Variants in ZNF503 observed in about 807,000 individuals in gnomAD.
The protein encoded by ZNF503 is zinc finger protein 503.
A neutral mutation model predicts 34.4 loss-of-function variants in ZNF503; 15 were observed. That is an observed-to-expected ratio of 0.44 (90% confidence interval 0.29 to 0.67). The LOEUF is 0.67. Among genes scored for constraint, ZNF503 ranks in the 30% least tolerant of loss-of-function variants. The pLI is 0.13. For missense variants in ZNF503, 1,007 were observed against 926.8 expected, an observed-to-expected ratio of 1.09 and a Z score of -1.12; for synonymous variants, 580 against 456.8, an observed-to-expected ratio of 1.27 and a Z score of -3.44.
At chr10:75,401,895 C>CGCCGCT (rs1350923501), upstream of ZNF503, 1 of 191,064 alleles carries the variant, frequency 5.2e-6, no homozygotes, top group African/African-American at 2.4e-5. Context: ...CCGCCGCCGC[C>CGCCGCT]GCCGCTGCCA....
the ZNF503 span, chr10:75,296,477 C>T: frequency 7.0e-6 from 1 of 143,864 alleles, no homozygotes; most frequent in African/African-American, 2.6e-5. Context: ...CTTTCTGGGC[C>T]AAGTAGAGGG....
chr10:75,286,246 C>T, the ZNF503 span, among the ~76,000 whole-genome samples: 4 of 148,254 alleles, frequency 2.7e-5, no homozygotes, highest in African/African-American at 1.0e-4. Context: ...TTGTGCGCCA[C>T]TGCACTCCAG....
chr10:75,317,264 CTTTTTTTTTTTTTTT>C, the ZNF503 span, among the ~76,000 whole-genome samples: 2 of 74,724 alleles, frequency 2.7e-5, no homozygotes, highest in Non-Finnish European at 4.8e-5. Flanking sequence ...CATCCCACGT[CTTTTTTTTTTTTTTT>C]TTTTTTTTTT....
chr10:75,354,870 G>A, the ZNF503 span, among the ~76,000 whole-genome samples: 1 of 151,938 alleles, frequency 6.6e-6, no homozygotes, highest in Non-Finnish European at 1.5e-5. Context: ...TTTTGAGATG[G>A]AGTCTCACTC....
At chr10:75,353,070 C>T in the ZNF503 span, among the ~76,000 whole-genome samples, 11 of 152,184 alleles carry the variant, frequency 7.2e-5, no homozygotes, top group African/African-American at 2.2e-4. Flanking sequence ...CCTGAGTTGA[C>T]GGGCAAGTCA....
chr10:75,329,381 T>TTC, the ZNF503 span, among the ~76,000 whole-genome samples: 1 of 129,112 alleles, frequency 7.7e-6, no homozygotes, highest in African/African-American at 3.8e-5. Flanking sequence ...CTTCTTTCTT[T>TTC]CTTCCTTCCT....
At chr10:75,333,997 G>A in the ZNF503 span, among the ~76,000 whole-genome samples, 1 of 111,594 alleles carries the variant, frequency 9.0e-6, no homozygotes, top group Non-Finnish European at 1.8e-5. Context: ...GGGAAGAGGC[G>A]CTCCTCACTT....
At chr10:75,324,069 C>T in the ZNF503 span, among the ~76,000 whole-genome samples, 1 of 149,296 alleles carries the variant, frequency 6.7e-6, no homozygotes, top group Admixed American at 6.7e-5. Flanking sequence ...ATTTTATATG[C>T]GTTTGTCAGA....
the ZNF503 span, among the ~76,000 whole-genome samples, chr10:75,312,186 GAC>G: frequency 6.6e-6 from 1 of 152,130 alleles, no homozygotes; most frequent in Non-Finnish European, 1.5e-5. Context: ...TAGCCTGGGT[GAC>G]AGAGTGAGAA....
rs1270409715 is a variant in ZNF503, at chr10:75,400,213, C to G, written c.477G>C (p.Ser159=). ...CGATGTCGCTCAGCTTCAGGGGGCC[C>G]GATTTGGTGTCCTTGTCGCCCGCAG... is the stretch of plus-strand genomic sequence containing the variant. ...GGAAGDKDTK[S]GPLKLSDIGV... The change falls in exon 2 of 2, where the codon TCG becomes TCC. Residue 159 remains serine (S), a synonymous_variant. Transcript: ENST00000372524. 1.9e-6 allele frequency: 3 copies of G among 1,605,208 alleles called. No homozygotes were observed. Among genetic ancestry groups the G allele is most frequent in the Middle Eastern group, 1.6e-4 (1 of 6,074 alleles).
In ZNF503 at chr10:75,399,484, C is replaced by A; in HGVS notation, c.1206G>T (p.Leu402=). 1 of 1,574,938 alleles carries A rather than the reference C, an allele frequency of 6.3e-7. No homozygotes were observed. Among genetic ancestry groups the A allele is most frequent in the East Asian group, 2.3e-5 (1 of 43,368 alleles). ...AQLAAAAAGS[L]GCSKPAGSSP... ...TGGAGCCGGCCGGCTTACTGCAGCCCAGAGACCCGGCCGCGGCCGCCGCCA... is the reference window on the plus strand; with the variant it reads ...TGGAGCCGGCCGGCTTACTGCAGCCAAGAGACCCGGCCGCGGCCGCCGCCA... Residue 402 remains leucine (L), a synonymous_variant, in exon 2 of 2, where the codon CTG becomes CTT. Transcript: ENST00000372524.
At chr10:75,335,690 A>G in the ZNF503 span, among the ~76,000 whole-genome samples, 4,511 of 152,222 alleles carry the variant, frequency 0.03, 220 homozygotes, top group African/African-American at 0.1. Context: ...TTCCACCTAT[A>G]TGATCTCCTG....
the ZNF503 span, among the ~76,000 whole-genome samples, chr10:75,294,940 G>A: frequency 3.7e-3 from 562 of 152,300 alleles, 2 homozygotes; most frequent in Middle Eastern, 0.014. Context: ...TTACGCTGTT[G>A]TGTATATTTC....
chr10:75,333,504 A>G, the ZNF503 span, among the ~76,000 whole-genome samples: 1 of 39,046 alleles, frequency 2.6e-5, no homozygotes, highest in African/African-American at 1.1e-4. Flanking sequence ...GGCCGGGCTG[A>G]GGGGCTCCTC....
chr10:75,400,291 T>C lies in ZNF503; in HGVS notation c.399A>G (p.Lys133=). ...CCCCGTTGGAGGCAACCGAGGAGAG[T>C]TTGGAGGAGGGCGAGGGGTCGGGCT... ...IGKPDPSPSS[K]LSSVASNGGG... is the part of the protein sequence containing the mutation. Residue 133 remains lysine, a synonymous_variant, in exon 2 of 2, where the codon AAA becomes AAG. Coordinates refer to ENST00000372524, the MANE Select transcript of ZNF503 (RefSeq NM_032772.6). 1 of 1,611,760 alleles carries C rather than the reference T, an allele frequency of 6.2e-7. No homozygotes were observed. Among genetic ancestry groups the C allele is most frequent in the Non-Finnish European group, 8.5e-7 (1 of 1,179,300 alleles).
the ZNF503 span, among the ~76,000 whole-genome samples, chr10:75,286,907 C>A: frequency 6.6e-6 from 1 of 152,194 alleles, no homozygotes; most frequent in African/African-American, 2.4e-5. Context: ...ACTTATGACA[C>A]TCCTAGCAGC....
chr10:75,337,277 C>T, the ZNF503 span, among the ~76,000 whole-genome samples: 4 of 151,776 alleles, frequency 2.6e-5, no homozygotes, highest in East Asian at 1.9e-4. Context: ...TGCAGTGAGC[C>T]GAGATCGTGC....
the ZNF503 span, among the ~76,000 whole-genome samples, chr10:75,312,550 C>A: frequency 6.6e-6 from 1 of 151,918 alleles, no homozygotes; most frequent in Non-Finnish European, 1.5e-5. Flanking sequence ...AGAGAGTGGG[C>A]CTAAAAAAGT....
rs760830242 is a variant in ZNF503, at chr10:75,401,539, G to A, written c.-120C>T. On this transcript the variant is annotated 5_prime_UTR_variant, in exon 1 of 2. Transcript: ENST00000372524. ...CGGGAGGAGGAGGAGCTGGCGCGGC[G>A]GCCACGGGCGCCCAGCGCGCCTTCT... 5.7e-4 allele frequency: 719 copies of A among 1,264,026 alleles called. 7 individuals are homozygous for A. The highest frequency in any genetic ancestry group is 5.4e-5 in the Non-Finnish European group (50 of 929,870). The allele number at this position is 1,264,026 out of a possible 1,614,324, so 78.3% of individuals were successfully genotyped here.
Sources: gnomAD v4.1 joint callset for allele counts (sites outside exome capture counted in the v4.1 genomes callset) on GRCh38, gnomAD v4.1.1 for gene constraint, MANE v1.5 for transcripts, NCBI Gene and HGNC (gene_info 2026-07-23, HGNC 2026-07-21) for gene names.